WASHC2C: variants seen among roughly 807,000 people sequenced by gnomAD.
The protein encoded by WASHC2C is WASH complex subunit 2C.
A neutral mutation model predicts 142.2 loss-of-function variants in WASHC2C; 73 were observed. That is an observed-to-expected ratio of 0.51 (90% CI 0.43 to 0.62). The LOEUF (loss-of-function observed/expected upper bound fraction) is 0.62. Among genes scored for constraint, WASHC2C ranks in the 20% least tolerant of loss-of-function variants. WASHC2C has a pLI of 0.00. For missense variants in WASHC2C, 969 were observed against 1,531.7 expected, an observed-to-expected ratio of 0.63 and a Z score of 6.13; for synonymous variants, 337 against 565.5, an observed-to-expected ratio of 0.60 and a Z score of 5.73.
At chr10:45,772,389 G>A (rs2056680128) in intron 20 of WASHC2C, among the ~76,000 whole-genome samples, 1 of 152,158 alleles carries the variant, frequency 6.6e-6, no homozygotes, top group Non-Finnish European at 1.5e-5. Flanking sequence ...AGTGAATCTG[G>A]ATTAAGAAAA....
chr10:45,762,775 A>G (rs1157268253), intron 17 of WASHC2C, among the ~76,000 whole-genome samples: 8 of 152,034 alleles, frequency 5.3e-5, no homozygotes, highest in Non-Finnish European at 7.4e-5. Flanking sequence ...GCGTGGTGGC[A>G]GGCGCCTGTA....
Position 45,728,966 on chromosome 10 carries a change from T to C in WASHC2C, c.231T>C (p.Cys77=). ...GLIRETKATD[C]RLHNVFNDFL... ...TCCGGGAAACCAAAGCCACAGATTG[T>C]CGCCTGCATAATGTCTTCAATGACT... The change falls in exon 3 of 31, where the codon TGT becomes TGC. Residue 77 remains cysteine (C), a synonymous_variant. Transcript: ENST00000623400. 6.2e-7 allele frequency: 1 copy of C among 1,613,978 alleles called. No homozygotes were observed.
intron 20 of WASHC2C, among the ~76,000 whole-genome samples, chr10:45,769,929 T>C (rs1454083571): frequency 6.6e-6 from 1 of 151,674 alleles, no homozygotes; most frequent in Non-Finnish European, 1.5e-5. Flanking sequence ...GTATGTCAGG[T>C]TTGGTCAGGA....
chr10:45,766,876 G>T (rs2596992), intron 19 of WASHC2C, among the ~76,000 whole-genome samples: 1 of 152,116 alleles, frequency 6.6e-6, no homozygotes. Context: ...AGGCAAGTTA[G>T]TAGGGGGTGA....
chr10:45,759,509 A>C (rs2054808621), intron 17 of WASHC2C, 108 bp downstream of exon 17: 1 of 1,417,498 alleles, frequency 7.1e-7, no homozygotes, highest in African/African-American at 1.5e-5. Flanking sequence ...TTTGTTAAGT[A>C]CTCCAGTTCT....
intron 20 of WASHC2C, among the ~76,000 whole-genome samples, chr10:45,770,299 G>A (rs1349032333): frequency 1.4e-5 from 2 of 144,214 alleles, no homozygotes; most frequent in East Asian, 2.0e-4. Context: ...AACACATCCT[G>A]TTAGGAGGAA....
chr10:45,765,852 G>A (rs2055738427), intron 19 of WASHC2C, 42 bp downstream of exon 19: 1 of 1,611,104 alleles, frequency 6.2e-7, no homozygotes, highest in Non-Finnish European at 8.5e-7. Context: ...ATTATTTCAT[G>A]GGATTTAAGA....
chr10:45,771,876 G>C (rs2056621847), intron 20 of WASHC2C: 1 of 665,916 alleles, frequency 1.5e-6, no homozygotes, highest in Non-Finnish European at 1.9e-6. Context: ...GTCACCATAT[G>C]ACATAATAGT....
At chr10:45,772,654 T>C (rs1173801992) in intron 20 of WASHC2C, among the ~76,000 whole-genome samples, 4 of 152,194 alleles carry the variant, frequency 2.6e-5, no homozygotes, top group Non-Finnish European at 5.9e-5. Context: ...AATTTGAGGC[T>C]GCAGTGGGAT....
intron 23 of WASHC2C, among the ~76,000 whole-genome samples, chr10:45,784,289 T>TATACACAC (rs1333007505): frequency 1.0e-3 from 18 of 17,704 alleles, no homozygotes; most frequent in Non-Finnish European, 1.4e-3. Context: ...TATATATATA[T>TATACACAC]ACACATATAT....
In WASHC2C at chr10:45,784,227, C is replaced by CAT. The variant is rs376756081; in HGVS notation, c.2479-325_2479-324dup. On this transcript the variant is annotated intron_variant, in intron 23 of 30. Coordinates refer to ENST00000623400, the MANE Select transcript of WASHC2C (RefSeq NM_001330074.2). The stretch of plus-strand genomic sequence containing the variant: ...GGAAAGATTATCTCTAAAGCTTGTG[C>CAT]ATATATATATATATGTGTGTGTGTG... 2.1e-3 allele frequency among the ~76,000 whole-genome samples: 131 copies of CAT among 62,508 alleles called. 1 individual carries two copies. Among genetic ancestry groups the CAT allele is most frequent in the African/African-American group, 4.7e-3 (92 of 19,560 alleles). The allele number at this position is 62,508 out of a possible 152,430, so 41.0% of individuals were successfully genotyped here.
intron 20 of WASHC2C, among the ~76,000 whole-genome samples, chr10:45,772,479 G>T (rs1239416574): frequency 4.6e-5 from 7 of 152,112 alleles, no homozygotes; most frequent in African/African-American, 1.4e-4. Flanking sequence ...CTGATTGGGA[G>T]GCCAAGTGGA....
intron 23 of WASHC2C, among the ~76,000 whole-genome samples, chr10:45,782,436 A>T (rs1445118196): frequency 4.4e-5 from 5 of 112,748 alleles, no homozygotes; most frequent in South Asian, 4.8e-4. Flanking sequence ...GGACCATAAT[A>T]AAAAAAAAAA....
At chr10:45,728,338 G>A (rs1165966449) in intron 2 of WASHC2C, among the ~76,000 whole-genome samples, 2 of 152,122 alleles carry the variant, frequency 1.3e-5, no homozygotes, top group Non-Finnish European at 2.9e-5. Context: ...GCCAAAAAGG[G>A]ATTTTAAATT....
At chr10:45,728,623 A>G (rs576518526) in intron 2 of WASHC2C, among the ~76,000 whole-genome samples, 2 of 151,572 alleles carry the variant, frequency 1.3e-5, no homozygotes, top group South Asian at 4.2e-4. Flanking sequence ...CTGTAATTCC[A>G]GCTACTCGGG....
At chr10:45,744,630 G>T (rs1270808968) in intron 6 of WASHC2C, among the ~76,000 whole-genome samples, 191 bp from the exon 7 acceptor site, 1 of 151,916 alleles carries the variant, frequency 6.6e-6, no homozygotes, top group Non-Finnish European at 1.5e-5. Context: ...ATAATTTTTG[G>T]GGGGAGAGAT....
intron 21 of WASHC2C, among the ~76,000 whole-genome samples, chr10:45,775,505 GA>G (rs1256500924): frequency 1.4e-5 from 2 of 141,278 alleles, no homozygotes; most frequent in East Asian, 4.2e-4. Context: ...AAAAAAGAAA[GA>G]AAAAAACAGG....
chr10:45,785,954 G>T (rs1237697390), intron 26 of WASHC2C: 6 of 339,642 alleles, frequency 1.8e-5, no homozygotes, highest in East Asian at 6.4e-5. Flanking sequence ...CCTTGGAATA[G>T]AATTAAAATA....
At chr10:45,741,425 C>T (rs1228935032) in intron 5 of WASHC2C, among the ~76,000 whole-genome samples, 9 of 151,258 alleles carry the variant, frequency 6.0e-5, no homozygotes, top group African/African-American at 2.2e-4. Context: ...GCCTGGACCA[C>T]ACTTGATACT....
Sources: allele counts gnomAD v4.1 joint callset (sites outside exome capture counted in the v4.1 genomes callset), GRCh38; gene constraint gnomAD v4.1.1; transcripts MANE v1.5; gene names NCBI Gene and HGNC (gene_info 2026-07-23, HGNC 2026-07-21).